PDE1C: variants seen among roughly 807,000 people sequenced by gnomAD.
PDE1C encodes phosphodiesterase 1C.
Under a neutral mutation model 93.1 loss-of-function variants are expected in PDE1C, and 62 were observed. The observed-to-expected ratio is 0.67, with a 90% CI of 0.54 to 0.82. The LOEUF (loss-of-function observed/expected upper bound fraction) is 0.82, where lower values mean the gene tolerates loss of function less well. Ranked by LOEUF, PDE1C falls within the 40% of genes least tolerant of loss-of-function variation. The probability of loss-of-function intolerance (pLI) is 0.00; values close to 1 mark genes in which losing one functional copy is unlikely to be tolerated. For synonymous variants in PDE1C, 325 were observed against 310.1 expected (o/e 1.05, Z -0.50); for missense variants, 742 against 884.6 (o/e 0.84, Z 2.04).
chr7:31,871,900 G>A (rs1348683466), intron 6 of PDE1C, among the ~76,000 whole-genome samples: 3 of 151,924 alleles, frequency 2.0e-5, no homozygotes, highest in South Asian at 2.1e-4. Flanking sequence ...AAAGAAATCA[G>A]TGTATCAAAG....
intron 3 of PDE1C, among the ~76,000 whole-genome samples, chr7:32,144,865 G>A (rs1160816807): frequency 2.6e-5 from 4 of 152,102 alleles, no homozygotes; most frequent in Non-Finnish European, 4.4e-5. Flanking sequence ...GGTGTTGTTT[G>A]TGAATTTTCC....
the PDE1C span, among the ~76,000 whole-genome samples, chr7:31,728,201 C>T: frequency 0.089 from 13,560 of 152,226 alleles, 869 homozygotes; most frequent in East Asian, 0.36. Context: ...CAGGCCACTG[C>T]GGACAAGGAT....
intron 1 of PDE1C, among the ~76,000 whole-genome samples, chr7:32,283,529 T>A (rs962641965): frequency 1.3e-5 from 2 of 152,226 alleles, no homozygotes; most frequent in Non-Finnish European, 1.5e-5. Context: ...ATGCTGAAAT[T>A]AAGCTTTTTC....
the PDE1C span, among the ~76,000 whole-genome samples, chr7:31,717,306 T>C: frequency 3.9e-5 from 6 of 152,238 alleles, no homozygotes; most frequent in Non-Finnish European, 7.3e-5. Context: ...ATTTTCAAGA[T>C]CACAGAACAA....
At chr7:31,852,752 G>A (rs916925815) in intron 7 of PDE1C, among the ~76,000 whole-genome samples, 16 of 151,948 alleles carry the variant, frequency 1.1e-4, no homozygotes, top group Non-Finnish European at 1.5e-4. Context: ...ATTTTCTTTG[G>A]ATCATTGTTC....
At chr7:32,401,810 C>T (rs1372840704) in intron 1 of PDE1C, among the ~76,000 whole-genome samples, 10 of 152,180 alleles carry the variant, frequency 6.6e-5, no homozygotes, top group African/African-American at 1.9e-4. Flanking sequence ...GGGGGCAACT[C>T]GCCTACGTCA....
chr7:32,089,161 T>A (rs78262429), intron 3 of PDE1C, among the ~76,000 whole-genome samples: 8,725 of 152,300 alleles, frequency 0.057, 337 homozygotes, highest in Non-Finnish European at 0.085. Context: ...ACATAAATAC[T>A]GCTACCAACA....
At chr7:31,829,548 G>T (rs141076995) in intron 11 of PDE1C, among the ~76,000 whole-genome samples, 36 of 152,258 alleles carry the variant, frequency 2.4e-4, no homozygotes, top group Non-Finnish European at 3.7e-4. Flanking sequence ...CTACCAAAGA[G>T]AATGGATATT....
chr7:31,857,091 G>C (rs1255854718), intron 7 of PDE1C, among the ~76,000 whole-genome samples: 3 of 152,032 alleles, frequency 2.0e-5, no homozygotes, highest in Non-Finnish European at 4.4e-5. Context: ...CTCTTCAAAG[G>C]CCATCTCTCC....
intron 3 of PDE1C, among the ~76,000 whole-genome samples, chr7:32,123,505 C>A (rs1263337627): frequency 1.3e-5 from 2 of 152,178 alleles, no homozygotes; most frequent in Non-Finnish European, 2.9e-5. Flanking sequence ...AACTTATCCT[C>A]CATGATCAAG....
chr7:31,741,033 G>T, the PDE1C span, among the ~76,000 whole-genome samples: 14 of 146,874 alleles, frequency 9.5e-5, no homozygotes, highest in Non-Finnish European at 2.1e-4. Context: ...CTGCACTCCA[G>T]CCTGGCCAAC....
At chr7:32,023,045 T>C (rs1435788359) in intron 2 of PDE1C, among the ~76,000 whole-genome samples, 1 of 152,034 alleles carries the variant, frequency 6.6e-6, no homozygotes, top group Non-Finnish European at 1.5e-5. Context: ...CTCCCAACGA[T>C]TTAATGCACA....
intron 2 of PDE1C, among the ~76,000 whole-genome samples, chr7:31,991,604 C>G (rs1784150410): frequency 6.6e-6 from 1 of 152,208 alleles, no homozygotes; most frequent in Admixed American, 6.5e-5. Context: ...AGCAGGTGCT[C>G]AGTAAATAAT....
intron 1 of PDE1C, among the ~76,000 whole-genome samples, chr7:32,423,970 T>C (rs1486752171): frequency 6.6e-6 from 1 of 152,238 alleles, no homozygotes; most frequent in Non-Finnish European, 1.5e-5. Flanking sequence ...GCTAGGAGCC[T>C]CTCATAATCA....
At chr7:32,325,613 T>C (rs1783390302) in intron 1 of PDE1C, among the ~76,000 whole-genome samples, 1 of 152,188 alleles carries the variant, frequency 6.6e-6, no homozygotes, top group African/African-American at 2.4e-5. Context: ...TTTATCTAAT[T>C]TGCCACAGGT....
chr7:32,373,456 G>A (rs541885948), intron 1 of PDE1C, among the ~76,000 whole-genome samples: 1 of 152,324 alleles, frequency 6.6e-6, no homozygotes, highest in African/African-American at 2.4e-5. Flanking sequence ...GCCTAGAGCA[G>A]GTATAGGGAG....
At chr7:31,709,833 T>C in the PDE1C span, among the ~76,000 whole-genome samples, 29 of 152,244 alleles carry the variant, frequency 1.9e-4, no homozygotes, top group Non-Finnish European at 2.9e-5. Flanking sequence ...ACAACTTCCC[T>C]CCAAATGAAT....
intron 1 of PDE1C, among the ~76,000 whole-genome samples, chr7:32,240,137 G>C (rs1402839313): frequency 1.3e-5 from 2 of 152,208 alleles, no homozygotes; most frequent in Non-Finnish European, 2.9e-5. Context: ...GCATAAGCTA[G>C]CCCATTCTGA....
chr7:31,729,235 T>C, the PDE1C span, among the ~76,000 whole-genome samples: 1 of 152,242 alleles, frequency 6.6e-6, no homozygotes, highest in Non-Finnish European at 1.5e-5. Flanking sequence ...GTTCTTCCAC[T>C]TGGGCCGTTC....
Sources: gnomAD v4.1 joint callset for allele counts (sites outside exome capture counted in the v4.1 genomes callset) on GRCh38, gnomAD v4.1.1 for gene constraint, MANE v1.5 for transcripts, NCBI Gene and HGNC (gene_info 2026-07-23, HGNC 2026-07-21) for gene names.